The following VAMP7 variants were observed in gnomAD, a reference collection of about 807,000 sequenced individuals.
VAMP7 encodes vesicle-associated membrane protein 7.
Under a neutral mutation model 29.6 loss-of-function variants are expected in VAMP7, and 14 were observed. That is an observed-to-expected ratio of 0.47 (90% CI 0.31 to 0.74). The LOEUF (loss-of-function observed/expected upper bound fraction) is 0.74. VAMP7 is among the 30% of genes least tolerant of loss of function. VAMP7 has a pLI of 0.05. For synonymous variants in VAMP7, 95 were observed against 88.1 expected, an observed-to-expected ratio of 1.08 and a Z score of -0.44; for missense variants, 223 against 262.4, an observed-to-expected ratio of 0.85 and a Z score of 1.04.
chrX:155,930,651 CA>C (rs1042491098), intron 6 of VAMP7, among the ~76,000 whole-genome samples: 77 of 141,452 alleles, frequency 5.4e-4, no homozygotes, highest in African/African-American at 1.0e-3. Context: ...ACCTCCATCT[CA>C]AAAAAAAAAA....
In VAMP7 at chrX:155,920,972, C is replaced by T. The variant is rs113095663; in HGVS notation, c.501+1092C>T. Among the ~76,000 whole-genome samples the T allele has an allele frequency of 2.4e-3, 365 of 152,234 alleles. 1 individual carries two copies. The highest frequency in any genetic ancestry group is 3.8e-3 in the Non-Finnish European group (260 of 68,002). On this transcript the variant is annotated intron_variant, in intron 6 of 7. Coordinates refer to ENST00000286448, the MANE Select transcript of VAMP7 (RefSeq NM_005638.6). ...GATGCTACCATACAGGAAGTCAAAA[C>T]ACCTGGGTTCTAGATCTCACTTTGT...
intron 3 of VAMP7, among the ~76,000 whole-genome samples, chrX:155,896,806 A>G (rs1242698093): frequency 6.6e-6 from 1 of 152,186 alleles, no homozygotes; most frequent in Non-Finnish European, 1.5e-5. Context: ...GCCATAGATC[A>G]GGGTTCCTAA....
chrX:155,942,055 C>T lies in VAMP7; in HGVS notation c.*104C>T. The T allele has an allele frequency of 6.3e-7, 1 of 1,593,854 alleles. No homozygotes were observed. The highest frequency in any genetic ancestry group is 1.3e-5 in the African/African-American group (1 of 74,484). ...ATACTGACAGATGGTATCTGCCAGTCTCTTCAACCCTCTTCTCACTTTTTA... is the reference window on the plus strand; with the variant it reads ...ATACTGACAGATGGTATCTGCCAGTTTCTTCAACCCTCTTCTCACTTTTTA... On this transcript the variant is annotated 3_prime_UTR_variant, in exon 8 of 8. Transcript: ENST00000286448.
rs538341951 is a variant in VAMP7 at position 155,895,508 on chromosome X, C to T, written c.147-115C>T. On this transcript the variant is annotated intron_variant, in intron 2 of 7. Coordinates refer to ENST00000286448, the MANE Select transcript of VAMP7 (RefSeq NM_005638.6). ...GGGAAGAGGGAGAAGAGACTGTATC[C>T]GTAAGTAATATGGTGACATTGGCAG... 28 of 682,526 alleles carry T rather than the reference C, an allele frequency of 4.1e-5. 1 individual carries two copies. Among genetic ancestry groups the T allele is most frequent in the Admixed American group, 2.3e-4 (10 of 44,052 alleles). The allele number at this position is 682,526 out of a possible 1,614,324, so 42.3% of individuals were successfully genotyped here.
intron 5 of VAMP7, among the ~76,000 whole-genome samples, chrX:155,916,322 G>C (rs1426547407): frequency 3.9e-5 from 6 of 152,114 alleles, no homozygotes; most frequent in Non-Finnish European, 8.8e-5. Context: ...TTGCCAGTCT[G>C]TGTCTTTTAT....
chrX:155,940,668 A>G (rs2066730744), intron 7 of VAMP7, among the ~76,000 whole-genome samples: 1 of 152,194 alleles, frequency 6.6e-6, no homozygotes, highest in Non-Finnish European at 1.5e-5. Flanking sequence ...AATCTTTGCG[A>G]AAAGGTGTTG....
intron 2 of VAMP7, among the ~76,000 whole-genome samples, chrX:155,893,043 G>A (rs1390225712): frequency 4.6e-5 from 7 of 152,200 alleles, no homozygotes; most frequent in African/African-American, 9.6e-5. Flanking sequence ...ATGAGCCACC[G>A]TGCCTGGCCT....
chrX:155,930,517 G>C (rs983935557), intron 6 of VAMP7, among the ~76,000 whole-genome samples: 3 of 151,138 alleles, frequency 2.0e-5, no homozygotes, highest in Non-Finnish European at 4.4e-5. Context: ...AGGTGTGATT[G>C]GGTGCACCTG....
intron 1 of VAMP7, among the ~76,000 whole-genome samples, chrX:155,883,005 G>A (rs1292990831): frequency 6.6e-6 from 1 of 152,184 alleles, no homozygotes; most frequent in African/African-American, 2.4e-5. Flanking sequence ...AGCAATTGCG[G>A]ACATTCTTAG....
intron 6 of VAMP7, among the ~76,000 whole-genome samples, chrX:155,933,167 T>C (rs2066590447): frequency 6.6e-6 from 1 of 152,170 alleles, no homozygotes; most frequent in Admixed American, 6.5e-5. Context: ...AAATTCTCTT[T>C]TTGTGTTGTG....
At chrX:155,909,486 C>A (rs2066203076) in intron 5 of VAMP7, among the ~76,000 whole-genome samples, 2 of 151,502 alleles carry the variant, frequency 1.3e-5, no homozygotes, top group Admixed American at 1.3e-4. Context: ...ATTTGTTCAC[C>A]CTAATATTTA....
rs374937800 is a variant in VAMP7, at chrX:155,888,542, C to CT, written c.-9-911dup. ...AGACTAGACAAGGATTTGTTCATCT[C>CT]TTTTTATGTTTATGCCATTAAATAA... is the stretch of plus-strand genomic sequence containing the variant. On this transcript the variant is annotated intron_variant, in intron 1 of 7. Coordinates refer to ENST00000286448, the MANE Select transcript of VAMP7 (RefSeq NM_005638.6). 1.8e-3 allele frequency among the ~76,000 whole-genome samples: 280 copies of CT among 152,250 alleles called. 1 individual carries two copies. Among genetic ancestry groups the CT allele is most frequent in the African/African-American group, 6.6e-3 (273 of 41,548 alleles).
chrX:155,922,614 G>A lies in VAMP7; in HGVS notation c.501+2734G>A, dbSNP rs182184695. Among the ~76,000 whole-genome samples the A allele has an allele frequency of 8.3e-4, 126 of 151,926 alleles. 2 individuals carry two copies. Among genetic ancestry groups the A allele is most frequent in the Middle Eastern group, 3.4e-3 (1 of 294 alleles). On this transcript the variant is annotated intron_variant, in intron 6 of 7. Transcript: ENST00000286448. ...ACTTTATTGGATTTGCTATTGTTTT[G>A]TTCAGGAATTTGGCATCTATGTTTA...
chrX:155,908,054 A>G (rs1008732944), intron 5 of VAMP7, among the ~76,000 whole-genome samples: 3 of 150,904 alleles, frequency 2.0e-5, no homozygotes, highest in African/African-American at 7.4e-5. Context: ...GGCCGGGCAG[A>G]GACGCTCCTC....
At chrX:155,891,955 T>G (rs1227240175) in intron 2 of VAMP7, among the ~76,000 whole-genome samples, 1 of 152,204 alleles carries the variant, frequency 6.6e-6, no homozygotes, top group Non-Finnish European at 1.5e-5. Context: ...TTCTAGGCAG[T>G]TCCTGGGAAA....
At chrX:155,908,588 G>C (rs1214189866) in intron 5 of VAMP7, among the ~76,000 whole-genome samples, 1 of 134,642 alleles carries the variant, frequency 7.4e-6, no homozygotes, top group Non-Finnish European at 1.6e-5. Context: ...GAGGGAGAGG[G>C]AGAGCCATTT....
intron 6 of VAMP7, among the ~76,000 whole-genome samples, chrX:155,930,965 G>GT (rs1395435794): frequency 2.0e-5 from 3 of 151,988 alleles, no homozygotes; most frequent in South Asian, 4.2e-4. Context: ...GTGGTGTTTG[G>GT]TTTTTTGTCC....
In VAMP7 at chrX:155,897,373, T is replaced by C. The variant is rs145195118; in HGVS notation, c.205-739T>C. Reference sequence around the variant, plus strand: ...TCAACCATAGTGATCATCACAATGATTTTTATCTCTGGCTTCACAATATTT... The same window carrying C: ...TCAACCATAGTGATCATCACAATGACTTTTATCTCTGGCTTCACAATATTT... On this transcript the variant is annotated intron_variant, in intron 3 of 7. Transcript: ENST00000286448. Among the ~76,000 whole-genome samples, 900 of 152,260 alleles carry C rather than the reference T, an allele frequency of 5.9e-3. 12 individuals are homozygous for C. Among genetic ancestry groups the C allele is most frequent in the African/African-American group, 0.021 (859 of 41,564 alleles).
At chrX:155,918,633 T>C (rs1423924772) in intron 5 of VAMP7, among the ~76,000 whole-genome samples, 1 of 152,144 alleles carries the variant, frequency 6.6e-6, no homozygotes, top group African/African-American at 2.4e-5. Flanking sequence ...CTCCGTGGGC[T>C]GCACCCACTG....
Sources: allele counts gnomAD v4.1 joint callset (sites outside exome capture counted in the v4.1 genomes callset), GRCh38; gene constraint gnomAD v4.1.1; transcripts MANE v1.5; gene names NCBI Gene and HGNC (gene_info 2026-07-23, HGNC 2026-07-21).